Variants in SMOC1 observed in about 807,000 individuals in gnomAD.
The protein encoded by SMOC1 is SPARC related modular calcium binding 1.
A neutral mutation model predicts 56.3 loss-of-function variants in SMOC1; 22 were observed. The ratio of observed to expected loss-of-function variants is 0.39; its 90% CI spans 0.28 to 0.56. The LOEUF is 0.56. Among genes scored for constraint, SMOC1 ranks in the 20% least tolerant of loss-of-function variants. SMOC1 has a pLI of 0.61. For synonymous variants in SMOC1, 193 were observed against 215.0 expected (o/e 0.90, Z 0.89); for missense variants, 509 against 565.4 (o/e 0.90, Z 1.01).
At chr14:69,940,996 G>T (rs1179442697) in intron 1 of SMOC1, among the ~76,000 whole-genome samples, 2 of 152,200 alleles carry the variant, frequency 1.3e-5, no homozygotes, top group African/African-American at 4.8e-5. Context: ...TGAGTAAAAG[G>T]TTTGATGCCC....
intron 1 of SMOC1, among the ~76,000 whole-genome samples, chr14:69,945,018 G>A (rs1285559824): frequency 2.6e-5 from 4 of 152,134 alleles, no homozygotes; most frequent in Non-Finnish European, 4.4e-5. Context: ...AGAGCTTTAA[G>A]GTATTGTTGG....
At chr14:70,018,568 G>C (rs886223485) in intron 10 of SMOC1, among the ~76,000 whole-genome samples, 2 of 152,180 alleles carry the variant, frequency 1.3e-5, no homozygotes. Flanking sequence ...AGGGCTCCAG[G>C]AGGCAGTGTT....
chr14:70,007,408 C>T (rs952473849), intron 7 of SMOC1, among the ~76,000 whole-genome samples: 4 of 152,126 alleles, frequency 2.6e-5, no homozygotes, highest in African/African-American at 4.8e-5. Flanking sequence ...TTAAGTTTTC[C>T]GCTTCTGAGG....
rs547832116 is a variant in SMOC1, at chr14:70,013,036, G to A, written c.941-350G>A. Among the ~76,000 whole-genome samples, 4 of 152,304 alleles carry A rather than the reference G, an allele frequency of 2.6e-5. No homozygotes were observed. The South Asian group carries it at 8.3e-4, about 32-fold the overall frequency. ...TTTTCTCACTTTAGGACGACTGCTTGGCTATTAGCTTGAGTTCCCCTGTAG... is the reference window on the plus strand; with the variant it reads ...TTTTCTCACTTTAGGACGACTGCTTAGCTATTAGCTTGAGTTCCCCTGTAG... On this transcript the variant is annotated intron_variant, in intron 9 of 11. Coordinates refer to ENST00000361956, the MANE Select transcript of SMOC1 (RefSeq NM_001034852.3).
chr14:69,887,904 C>G (rs1369960461), intron 1 of SMOC1, among the ~76,000 whole-genome samples: 1 of 152,168 alleles, frequency 6.6e-6, no homozygotes, highest in African/African-American at 2.4e-5. Flanking sequence ...AGGCCTGTTT[C>G]TAGTTTGATG....
intron 7 of SMOC1, among the ~76,000 whole-genome samples, chr14:69,999,452 C>A (rs763980384): frequency 7.9e-5 from 12 of 152,190 alleles, no homozygotes; most frequent in Non-Finnish European, 1.5e-4. Flanking sequence ...CCCATGGCCA[C>A]CTGGAATCTC....
intron 1 of SMOC1, among the ~76,000 whole-genome samples, chr14:69,923,234 T>C (rs227431): frequency 0.53 from 80,364 of 151,962 alleles, 22,241 homozygotes; most frequent in African/African-American, 0.69. Context: ...CATGAGCCAC[T>C]GCACCCGGCT....
At chr14:69,978,495 G>T (rs1367769724) in intron 5 of SMOC1, among the ~76,000 whole-genome samples, 1 of 152,194 alleles carries the variant, frequency 6.6e-6, no homozygotes, top group Non-Finnish European at 1.5e-5. Context: ...TTCTGTCTTT[G>T]AGTCTGATGG....
chr14:69,920,718 A>T lies in SMOC1; in HGVS notation c.100-31420A>T, dbSNP rs559954674. ...CAAATAAAATAAAACTTTACGTGGGATAAGAGCTACAAAGGAGATCTGCTT... is the reference window on the plus strand; with the variant it reads ...CAAATAAAATAAAACTTTACGTGGGTTAAGAGCTACAAAGGAGATCTGCTT... On this transcript the variant is annotated intron_variant, in intron 1 of 11. Transcript: ENST00000361956. 2.6e-5 allele frequency among the ~76,000 whole-genome samples: 4 copies of T among 152,314 alleles called. No individual in the cohort carries two copies. In the East Asian group the frequency reaches 5.8e-4, roughly 22 times the overall value.
At chr14:69,996,688 G>A (rs985517166) in intron 7 of SMOC1, among the ~76,000 whole-genome samples, 7 of 152,336 alleles carry the variant, frequency 4.6e-5, no homozygotes, top group East Asian at 1.9e-4. Flanking sequence ...TGTAAGGTTC[G>A]TGTATATGAC....
chr14:69,935,172 G>A (rs1029757381), intron 1 of SMOC1, among the ~76,000 whole-genome samples: 3 of 152,062 alleles, frequency 2.0e-5, no homozygotes, highest in Non-Finnish European at 4.4e-5. Flanking sequence ...AATTTTTAAG[G>A]CAGTTTTCTG....
At chr14:69,894,016 C>G (rs924537879) in intron 1 of SMOC1, among the ~76,000 whole-genome samples, 2 of 152,116 alleles carry the variant, frequency 1.3e-5, no homozygotes, top group African/African-American at 4.8e-5. Context: ...GGAGACCAAC[C>G]CTGCCAGCAT....
chr14:70,027,765 A>G (rs376403594), intron 11 of SMOC1, among the ~76,000 whole-genome samples: 7 of 152,234 alleles, frequency 4.6e-5, no homozygotes, highest in Non-Finnish European at 1.0e-4. Flanking sequence ...GGATGTAATC[A>G]GATAATGTGT....
At chr14:69,908,154 G>T (rs1884460144) in intron 1 of SMOC1, among the ~76,000 whole-genome samples, 1 of 152,140 alleles carries the variant, frequency 6.6e-6, no homozygotes, top group Non-Finnish European at 1.5e-5. Context: ...AAAAAAGTAG[G>T]TTGTAAAACA....
At chr14:70,025,857 T>TGG (rs1885906357) in intron 11 of SMOC1, among the ~76,000 whole-genome samples, 2 of 152,212 alleles carry the variant, frequency 1.3e-5, no homozygotes, top group Non-Finnish European at 2.9e-5. Context: ...TGCTAGAGTC[T>TGG]ATCTCATAGG....
chr14:69,993,754 G>A (rs1247265071), intron 6 of SMOC1, among the ~76,000 whole-genome samples: 3 of 152,170 alleles, frequency 2.0e-5, no homozygotes, highest in Non-Finnish European at 2.9e-5. Context: ...GTGAGGGATG[G>A]AGACTGTCTC....
At chr14:69,887,275 A>G (rs985744383) in intron 1 of SMOC1, among the ~76,000 whole-genome samples, 4 of 152,258 alleles carry the variant, frequency 2.6e-5, no homozygotes. Flanking sequence ...TTAGGACTAC[A>G]TACAGCTACA....
intron 11 of SMOC1, among the ~76,000 whole-genome samples, chr14:70,023,992 G>A (rs921501497): frequency 1.3e-5 from 2 of 152,136 alleles, no homozygotes; most frequent in African/African-American, 4.8e-5. Context: ...ACCAGATGGA[G>A]TAGACATGAA....
intron 1 of SMOC1, among the ~76,000 whole-genome samples, chr14:69,889,439 G>A (rs1883901321): frequency 6.6e-6 from 1 of 152,130 alleles, no homozygotes; most frequent in African/African-American, 2.4e-5. Context: ...CTGTATCCCA[G>A]CCAACCAGGA....
Sources: allele counts gnomAD v4.1 joint callset (sites outside exome capture counted in the v4.1 genomes callset), GRCh38; gene constraint gnomAD v4.1.1; transcripts MANE v1.5; gene names NCBI Gene and HGNC (gene_info 2026-07-23, HGNC 2026-07-21).